Variants in TAF1B observed in about 807,000 individuals in gnomAD.
TAF1B encodes the protein TATA-box binding protein associated factor, RNA polymerase I subunit B.
A neutral mutation model predicts 83.9 loss-of-function variants in TAF1B; 61 were observed. The observed-to-expected ratio is 0.73, with a 90% CI of 0.59 to 0.90. The LOEUF (loss-of-function observed/expected upper bound fraction) is 0.90, where lower values mean the gene tolerates loss of function less well. TAF1B is among the 40% of genes least tolerant of loss of function. The pLI is 0.00. For missense variants in TAF1B, 625 were observed against 677.0 expected (o/e 0.92, Z 0.85); for synonymous variants, 221 against 224.6 (o/e 0.98, Z 0.14).
chr2:9,908,028 C>CTTTTTTTTATTTTTTTT (rs1665401371), intron 9 of TAF1B, among the ~76,000 whole-genome samples: 1 of 71,754 alleles, frequency 1.4e-5, no homozygotes, highest in African/African-American at 7.9e-5. Flanking sequence ...GATCTTAATT[C>CTTTTTTTTATTTTTTTT]TTTTTTTTTT....
chr2:9,870,820 T>TA (rs143390890), intron 6 of TAF1B, among the ~76,000 whole-genome samples: 6,702 of 152,340 alleles, frequency 0.044, 192 homozygotes, highest in Non-Finnish European at 0.067. Flanking sequence ...CTGTATAGCT[T>TA]ACTATGATTA....
intron 7 of TAF1B, among the ~76,000 whole-genome samples, chr2:9,878,601 TGCC>T (rs1664395582): frequency 6.6e-6 from 1 of 152,212 alleles, no homozygotes. Context: ...TAAGGGACCC[TGCC>T]TACCTAGCAA....
intron 12 of TAF1B, among the ~76,000 whole-genome samples, chr2:9,917,658 T>C (rs1371425729): frequency 6.6e-6 from 1 of 152,242 alleles, no homozygotes; most frequent in Non-Finnish European, 1.5e-5. Context: ...CTTCAACAAA[T>C]GTTTAAATGA....
In TAF1B at chr2:9,934,184, GTA is replaced by G; in HGVS notation, c.*202_*203del. 2.1e-6 allele frequency: 1 copy of G among 483,164 alleles called. No individual in the cohort carries two copies. Among genetic ancestry groups the G allele is most frequent in the Non-Finnish European group, 3.7e-6 (1 of 273,148 alleles). 29.9% of individuals were successfully genotyped at this position (483,164 alleles called of 1,614,324 possible). On this transcript the variant is annotated 3_prime_UTR_variant, in exon 15 of 15. Coordinates refer to ENST00000263663, the MANE Select transcript of TAF1B (RefSeq NM_005680.3). ...GCTTCATTTGATTTTATTTTTCAGA[GTA>G]TGAACATTCTAAGAGAAAGTTAAAA...
chr2:9,845,855 C>T (rs1450359365), intron 2 of TAF1B: 3 of 301,954 alleles, frequency 9.9e-6, no homozygotes, highest in Non-Finnish European at 1.9e-5. Context: ...TGGTAGCATG[C>T]GCCTGTAGTC....
At chr2:9,845,403 T>C in intron 2 of TAF1B, 85 bp downstream of exon 2, 1 of 1,138,866 alleles carries the variant, frequency 8.8e-7, no homozygotes, top group Non-Finnish European at 1.3e-6. Flanking sequence ...TCCCAAAGAA[T>C]TGGGTTGATT....
At chr2:9,924,883 C>A (rs957365226) in intron 14 of TAF1B, among the ~76,000 whole-genome samples, 4 of 152,158 alleles carry the variant, frequency 2.6e-5, no homozygotes, top group Non-Finnish European at 4.4e-5. Context: ...GCTGTTTATT[C>A]TTCCTAGCTG....
intron 8 of TAF1B, among the ~76,000 whole-genome samples, chr2:9,892,633 A>G (rs890499279): frequency 2.0e-5 from 3 of 152,202 alleles, no homozygotes; most frequent in Non-Finnish European, 4.4e-5. Context: ...TTAAGGCTGA[A>G]TAGTTTCCCA....
At chr2:9,851,458 G>A in intron 3 of TAF1B, 83 bp from the exon 4 acceptor site, 2 of 1,129,314 alleles carry the variant, frequency 1.8e-6, no homozygotes, top group East Asian at 2.5e-5. Context: ...GTCGCAATGT[G>A]TAAAACACAA....
At chr2:9,925,479 T>C (rs1666008650) in intron 14 of TAF1B, among the ~76,000 whole-genome samples, 1 of 152,068 alleles carries the variant, frequency 6.6e-6, no homozygotes, top group Non-Finnish European at 1.5e-5. Flanking sequence ...TTTTTTCCGT[T>C]TTACAGATGA....
chr2:9,930,060 C>T (rs1429005771), intron 14 of TAF1B, among the ~76,000 whole-genome samples: 1 of 151,746 alleles, frequency 6.6e-6, no homozygotes, highest in Non-Finnish European at 1.5e-5. Flanking sequence ...CTATTTGATT[C>T]TTCTCTTTTC....
At chr2:9,851,909 A>T (rs578101710) in intron 4 of TAF1B, 11 of 582,634 alleles carry the variant, frequency 1.9e-5, no homozygotes, top group African/African-American at 5.5e-5. Context: ...GTAAAACTCA[A>T]ATAACTTTGG....
chr2:9,845,223 G>A lies in TAF1B; in HGVS notation c.22G>A (p.Glu8Lys). MDLEEAEEFKERCTQCAA... is the reference protein window; with the variant it reads MDLEEAEKFKERCTQCAA... ...TTTCTGTCCTCTTCTCCCATAGGAAGAGTTTAAAGAACGCTGTACTCAGTG... is the reference window on the plus strand; with the variant it reads ...TTTCTGTCCTCTTCTCCCATAGGAAAAGTTTAAAGAACGCTGTACTCAGTG... The change falls in exon 2 of 15, where the codon GAG becomes AAG. Residue 8 changes from glutamate to lysine, a missense_variant. Coordinates refer to ENST00000263663, the MANE Select transcript of TAF1B (RefSeq NM_005680.3). 2 of 1,613,272 alleles carry A rather than the reference G, an allele frequency of 1.2e-6. No homozygotes were observed. The highest frequency in any genetic ancestry group is 1.7e-6 in the Non-Finnish European group (2 of 1,179,376).
intron 5 of TAF1B, among the ~76,000 whole-genome samples, chr2:9,864,658 A>G (rs1386258217): frequency 6.6e-6 from 1 of 152,202 alleles, no homozygotes. Context: ...TTAGATCAAT[A>G]TCCTTGATGA....
intron 8 of TAF1B, among the ~76,000 whole-genome samples, chr2:9,901,760 TAAAA>T (rs1022975265): frequency 4.6e-5 from 7 of 152,142 alleles, no homozygotes; most frequent in African/African-American, 1.4e-4. Context: ...ATTTTACAAA[TAAAA>T]AGGAAGACAC....
At chr2:9,846,330 C>T (rs1215514713) in intron 2 of TAF1B, 9 of 330,876 alleles carry the variant, frequency 2.7e-5, no homozygotes, top group South Asian at 1.0e-4. Flanking sequence ...AACACACCTT[C>T]GGGCCAGCAT....
chr2:9,924,047 G>A (rs963090240), intron 14 of TAF1B, among the ~76,000 whole-genome samples: 8 of 152,178 alleles, frequency 5.3e-5, no homozygotes, highest in Non-Finnish European at 8.8e-5. Context: ...ATAGAGCTTA[G>A]TATAGTCAGC....
chr2:9,857,821 C>G (rs942895447), intron 5 of TAF1B, among the ~76,000 whole-genome samples: 2 of 152,172 alleles, frequency 1.3e-5, no homozygotes, highest in Non-Finnish European at 2.9e-5. Flanking sequence ...CCCTCGCTAT[C>G]ATGAGAACAG....
intron 2 of TAF1B, chr2:9,845,860 G>A (rs1054260516): frequency 9.7e-6 from 3 of 307,970 alleles, no homozygotes; most frequent in African/African-American, 6.7e-5. Flanking sequence ...GCATGCGCCT[G>A]TAGTCCCAGC....
Sources: gnomAD v4.1 joint callset for allele counts (sites outside exome capture counted in the v4.1 genomes callset) on GRCh38, gnomAD v4.1.1 for gene constraint, MANE v1.5 for transcripts, NCBI Gene and HGNC (gene_info 2026-07-23, HGNC 2026-07-21) for gene names.